The following CDIPT variants were observed in gnomAD, a reference collection of about 807,000 sequenced individuals.
CDIPT encodes PI synthase.
In CDIPT, 17 loss-of-function variants were observed where a neutral mutation model predicts 21.6. That is an observed-to-expected ratio of 0.79 (90% CI 0.54 to 1.18). The LOEUF is 1.18. Ranked by LOEUF, CDIPT falls within the 50% of genes most tolerant of loss-of-function variation. The pLI is 0.00. For synonymous variants in CDIPT, 119 were observed against 117.9 expected, an observed-to-expected ratio of 1.01 and a Z score of -0.06; for missense variants, 254 against 284.9, an observed-to-expected ratio of 0.89 and a Z score of 0.78.
chr16:29,860,430 C>T, intron 4 of CDIPT, 151 bp downstream of exon 4: 1 of 619,074 alleles, frequency 1.6e-6, no homozygotes, highest in Non-Finnish European at 3.0e-6. Flanking sequence ...CAATCCTCCT[C>T]CTCCACGCCT....
At chr16:29,861,040 G>GT in intron 3 of CDIPT, 66 bp downstream of exon 3, 1 of 1,552,802 alleles carries the variant, frequency 6.4e-7, no homozygotes, top group South Asian at 1.1e-5. Flanking sequence ...ACACCCTTCC[G>GT]TCTAGGCTCA....
chr16:29,861,634 T>G, intron 2 of CDIPT: 1 of 771,138 alleles, frequency 1.3e-6, no homozygotes, highest in South Asian at 1.8e-5. Flanking sequence ...CCCTTCCCTC[T>G]CCATCCTCCC....
Position 29,859,569 on chromosome 16 carries a change from G to A in CDIPT, c.415-46C>T, listed in dbSNP as rs1201320495. The A allele has an allele frequency of 4.0e-6, 5 of 1,250,080 alleles. No individual in the cohort carries two copies. The highest frequency in any genetic ancestry group is 1.2e-5 in the South Asian group (1 of 82,518). 77.4% of individuals were successfully genotyped at this position (1,250,080 alleles called of 1,614,324 possible). A position where few individuals can be genotyped will look rare whatever the true frequency, so the allele number is the denominator to read the frequency against. ...CCACGTTAGCAAGAGGCAGGCGTGT[G>A]CCACCCCCTGCCCCCCCAGCACTAA... On this transcript the variant is annotated intron_variant, in intron 4 of 5. Coordinates refer to ENST00000219789, the MANE Select transcript of CDIPT (RefSeq NM_006319.5). The surrounding 1 kb of genome is among the most constrained non-coding windows in gnomAD (Gnocchi z 4.5).
Position 29,862,707 on chromosome 16 carries a change from A to G in CDIPT, c.57T>C (p.Ile19=). ...AGTAGAAAGAAATGATGGCGAAGAC[A>G]ATCCGGGCATAACCTTGGAACGGGA... ...FVPNLIGYAR[I]VFAIISFYFM... Residue 19 remains isoleucine (I), a synonymous_variant, in exon 2 of 6, where the codon ATT becomes ATC. Transcript: ENST00000219789. The surrounding 1 kb of genome is among the most constrained non-coding windows in gnomAD (Gnocchi z 6.7). The G allele has an allele frequency of 1.2e-6, 2 of 1,614,126 alleles. No individual in the cohort carries two copies. Among genetic ancestry groups the G allele is most frequent in the African/African-American group, 1.3e-5 (1 of 75,072 alleles).
chr16:29,860,525 C>T lies in CDIPT; in HGVS notation c.414+56G>A, dbSNP rs1596941448. On this transcript the variant is annotated intron_variant, in intron 4 of 5. Transcript: ENST00000219789. The stretch of plus-strand genomic sequence containing the variant: ...CTCCTAGGCTAGGACCAGGATTCAG[C>T]CCAGGGCTTCCCACAGCCAAGAGCC... The T allele has an allele frequency of 3.4e-6, 4 of 1,180,070 alleles. No homozygotes were observed. In the East Asian group the frequency reaches 7.1e-5, roughly 21 times the overall value. The allele number at this position is 1,180,070 out of a possible 1,614,324, so 73.1% of individuals were successfully genotyped here.
rs927487203 is a variant in CDIPT at position 29,859,023 on chromosome 16, T to TC, written c.*165dup. 1.5e-5 allele frequency: 11 copies of TC among 734,654 alleles called. No individual in the cohort carries two copies. The highest frequency in any genetic ancestry group is 2.4e-5 in the Non-Finnish European group (11 of 461,740). 45.5% of individuals were successfully genotyped at this position (734,654 alleles called of 1,614,324 possible). ...TGATTTGAGGCCCGGGTCCTCAGGA[T>TC]CCCAGAGAACGTGACGTCACCAAAG... On this transcript the variant is annotated 3_prime_UTR_variant, in exon 6 of 6. Transcript: ENST00000219789. This position sits in a 1 kb window ranked among gnomAD's most constrained non-coding sequence, Gnocchi z 4.5.
chr16:29,862,016 C>A lies in CDIPT; in HGVS notation c.178+570G>T, dbSNP rs1033981933. Among the ~76,000 whole-genome samples, 17 of 152,196 alleles carry A rather than the reference C, an allele frequency of 1.1e-4. No individual in the cohort carries two copies. The highest frequency in any genetic ancestry group is 3.9e-4 in the African/African-American group (16 of 41,448). On this transcript the variant is annotated intron_variant, in intron 2 of 5. Coordinates refer to ENST00000219789, the MANE Select transcript of CDIPT (RefSeq NM_006319.5). The surrounding 1 kb of genome is among the most constrained non-coding windows in gnomAD (Gnocchi z 6.7). Reference sequence around the variant, plus strand: ...AAAGTGCTGGGATTACAGGCGTGAGCCACCGCCCCTGGCCTGAATGGACTT... The same window carrying A: ...AAAGTGCTGGGATTACAGGCGTGAGACACCGCCCCTGGCCTGAATGGACTT...
In CDIPT at chr16:29,859,361, G is replaced by A; in HGVS notation, c.497-27C>T. ...TGCAGGAAGGCAGCAGGGGAGTTTG[G>A]GGCCCGAAGGAGGGGGCCTCCATCT... On this transcript the variant is annotated intron_variant, in intron 5 of 5. Coordinates refer to ENST00000219789, the MANE Select transcript of CDIPT (RefSeq NM_006319.5). The surrounding 1 kb of genome is among the most constrained non-coding windows in gnomAD (Gnocchi z 4.5). The A allele has an allele frequency of 6.4e-7, 1 of 1,571,324 alleles. No individual in the cohort carries two copies. Among genetic ancestry groups the A allele is most frequent in the Non-Finnish European group, 8.6e-7 (1 of 1,157,586 alleles).
rs2067691881 is a variant in CDIPT at position 29,862,561 on chromosome 16, G to A, written c.178+25C>T. On this transcript the variant is annotated intron_variant, in intron 2 of 5. Transcript: ENST00000219789. The surrounding 1 kb of genome is among the most constrained non-coding windows in gnomAD (Gnocchi z 6.7). ...GAGGAGGGGATTGTTGAACCCCAAG[G>A]CTGGCTGAGAGGGGTGTCTGTCACC... The A allele has an allele frequency of 6.4e-7, 1 of 1,554,552 alleles. No individual in the cohort carries two copies. The highest frequency in any genetic ancestry group is 8.7e-7 in the Non-Finnish European group (1 of 1,148,556).
At chr16:29,860,008 AAAAT>A (rs887249236) in intron 4 of CDIPT, among the ~76,000 whole-genome samples, 1 of 152,060 alleles carries the variant, frequency 6.6e-6, no homozygotes, top group African/African-American at 2.4e-5. Context: ...CTGTCTCAAA[AAAAT>A]AAATAAATAA....
rs114923885 is a variant in CDIPT at position 29,860,585 on chromosome 16, G to A, written c.410C>T (p.Ser137Leu). 212 of 1,603,510 alleles carry A rather than the reference G, an allele frequency of 1.3e-4. No homozygotes were observed. The African/African-American group carries it at 2.3e-3, about 17-fold the overall frequency. ...GGGTGTGCAGGAAATGCTTACCCTC[G>A]AGGTGTAGTAGATCCGAAGCACCGG... ...GNPVLRIYYT[S>L]RPALFTLCAG... The change falls in exon 4 of 6, where the codon TCG becomes TTG. Residue 137 changes from serine to leucine, a missense_variant. Transcript: ENST00000219789.
chr16:29,859,032 A>C lies in CDIPT; in HGVS notation c.*157T>G. The C allele has an allele frequency of 2.6e-6, 2 of 771,254 alleles. No individual in the cohort carries two copies. The highest frequency in any genetic ancestry group is 4.1e-6 in the Non-Finnish European group (2 of 493,156). 47.8% of individuals were successfully genotyped at this position (771,254 alleles called of 1,614,324 possible). On this transcript the variant is annotated 3_prime_UTR_variant, in exon 6 of 6. Transcript: ENST00000219789. The surrounding 1 kb of genome is among the most constrained non-coding windows in gnomAD (Gnocchi z 4.5). ...GCCCGGGTCCTCAGGATCCCAGAGA[A>C]CGTGACGTCACCAAAGAGAGGCTGA...
chr16:29,859,648 A>G lies in CDIPT; in HGVS notation c.415-125T>C, dbSNP rs2067664160. ...TCTTATTTTTTTTTCTTTTTTACAG[A>G]CAGGGTCTCGCTCTCTCATCCAGGT... On this transcript the variant is annotated intron_variant, in intron 4 of 5. Transcript: ENST00000219789. This position sits in a 1 kb window ranked among gnomAD's most constrained non-coding sequence, Gnocchi z 4.5. 4.4e-6 allele frequency: 3 copies of G among 678,734 alleles called. No individual in the cohort carries two copies. Among genetic ancestry groups the G allele is most frequent in the Admixed American group, 2.4e-5 (1 of 41,498 alleles). 42.0% of individuals were successfully genotyped at this position (678,734 alleles called of 1,614,324 possible). A position where few individuals can be genotyped will look rare whatever the true frequency, so the allele number is the denominator to read the frequency against.
Position 29,859,407 on chromosome 16 carries a change from C to A in CDIPT, c.496+35G>T. On this transcript the variant is annotated intron_variant, in intron 5 of 5. Transcript: ENST00000219789. This position sits in a 1 kb window ranked among gnomAD's most constrained non-coding sequence, Gnocchi z 4.5. ...CATCTCCCTGGGCAGGCCAGATCCC[C>A]CTCCCATCCTCCTGCCCAGCCCCTC... 2 of 1,601,276 alleles carry A rather than the reference C, an allele frequency of 1.2e-6. No homozygotes were observed. Among genetic ancestry groups the A allele is most frequent in the Admixed American group, 1.7e-5 (1 of 58,542 alleles).
In CDIPT at chr16:29,862,964, G is replaced by A; in HGVS notation, c.-107C>T. On this transcript the variant is annotated 5_prime_UTR_variant, in exon 1 of 6. It introduces an in-frame stop codon into an upstream open reading frame of the 5' UTR. Coordinates refer to ENST00000219789, the MANE Select transcript of CDIPT (RefSeq NM_006319.5). This position sits in a 1 kb window ranked among gnomAD's most constrained non-coding sequence, Gnocchi z 6.7. ...GCCCGGCGCATCGGCCGCACCACCTGCGCCCTGGACCCCGCCGCCCCAACC... is the reference window on the plus strand; with the variant it reads ...GCCCGGCGCATCGGCCGCACCACCTACGCCCTGGACCCCGCCGCCCCAACC... 1 of 1,317,882 alleles carries A rather than the reference G, an allele frequency of 7.6e-7. No individual in the cohort carries two copies. The highest frequency in any genetic ancestry group is 1.1e-6 in the Non-Finnish European group (1 of 917,888). The allele number at this position is 1,317,882 out of a possible 1,614,324, so 81.6% of individuals were successfully genotyped here. A position where few individuals can be genotyped will look rare whatever the true frequency, so the allele number is the denominator to read the frequency against.
chr16:29,861,414 G>A, intron 2 of CDIPT, 155 bp from the exon 3 acceptor site: 1 of 1,543,358 alleles, frequency 6.5e-7, no homozygotes, highest in Non-Finnish European at 8.7e-7. Flanking sequence ...CTGTGTGTGA[G>A]GTCAGTGGGC....
rs2067660745 is a variant in CDIPT, at chr16:29,859,352, G to A, written c.497-18C>T. On this transcript the variant is annotated intron_variant, in intron 5 of 5. Coordinates refer to ENST00000219789, the MANE Select transcript of CDIPT (RefSeq NM_006319.5). The surrounding 1 kb of genome is among the most constrained non-coding windows in gnomAD (Gnocchi z 4.5). ...AGAGCCAACTGCAGGAAGGCAGCAG[G>A]GGAGTTTGGGGCCCGAAGGAGGGGG... 2.6e-6 allele frequency: 4 copies of A among 1,568,532 alleles called. No homozygotes were observed. The Admixed American group carries it at 5.7e-5, about 22-fold the overall frequency.
Position 29,862,706 on chromosome 16 carries a change from C to T in CDIPT, c.58G>A (p.Val20Ile). 1 of 1,614,084 alleles carries T rather than the reference C, an allele frequency of 6.2e-7. No homozygotes were observed. The highest frequency in any genetic ancestry group is 8.5e-7 in the Non-Finnish European group (1 of 1,179,976). ...AAGTAGAAAGAAATGATGGCGAAGACAATCCGGGCATAACCTTGGAACGGG... is the reference window on the plus strand; with the variant it reads ...AAGTAGAAAGAAATGATGGCGAAGATAATCCGGGCATAACCTTGGAACGGG... ...VPNLIGYARI[V>I]FAIISFYFMP... The change falls in exon 2 of 6, where the codon GTC becomes ATC. Residue 20 changes from valine (V) to isoleucine (I), a missense_variant. Physicochemically the swap from Val to Ile is conservative, Grantham distance 29. Transcript: ENST00000219789. The surrounding 1 kb of genome is among the most constrained non-coding windows in gnomAD (Gnocchi z 6.7).
In CDIPT at chr16:29,862,712, G is replaced by A. The variant is rs755822159; in HGVS notation, c.52C>T (p.Arg18Trp). The A allele has an allele frequency of 6.2e-7, 1 of 1,614,102 alleles. No individual in the cohort carries two copies. ...AAAGAAATGATGGCGAAGACAATCC[G>A]GGCATAACCTTGGAACGGGACGCGG... ...LFVPNLIGYA[R>W]IVFAIISFYF... The change falls in exon 2 of 6, where the codon CGG (arginine) becomes TGG (tryptophan). Residue 18 changes from arginine to tryptophan, a missense_variant. Arg to Trp is a moderately radical substitution (Grantham distance 101, BLOSUM62 -3). Transcript: ENST00000219789. The surrounding 1 kb of genome is among the most constrained non-coding windows in gnomAD (Gnocchi z 6.7).
Sources: gnomAD v4.1 joint callset for allele counts (sites outside exome capture counted in the v4.1 genomes callset) on GRCh38, gnomAD v4.1.1 for gene constraint, Gnocchi (gnomAD v3.1) non-coding constraint, MANE v1.5 for transcripts, NCBI Gene and HGNC (gene_info 2026-07-23, HGNC 2026-07-21) for gene names.